The following MROH9 variants were observed in gnomAD, a reference collection of about 807,000 sequenced individuals.
The protein encoded by MROH9 is maestro heat like repeat family member 9.
A neutral mutation model predicts 98.2 loss-of-function variants in MROH9; 92 were observed. The observed-to-expected ratio is 0.94, with a 90% CI of 0.79 to 1.11. The LOEUF (loss-of-function observed/expected upper bound fraction) is 1.11, where lower values mean the gene tolerates loss of function less well. Ranked by LOEUF, MROH9 falls within the 50% of genes most tolerant of loss-of-function variation. The probability of loss-of-function intolerance (pLI) is 0.00; values close to 1 mark genes in which losing one functional copy is unlikely to be tolerated. For synonymous variants in MROH9, 397 were observed against 368.9 expected, an observed-to-expected ratio of 1.08 and a Z score of -0.87; for missense variants, 1,057 against 1,014.8, an observed-to-expected ratio of 1.04 and a Z score of -0.57.
intron 20 of MROH9, among the ~76,000 whole-genome samples, chr1:171,036,558 C>G (rs1653104111): frequency 6.6e-6 from 1 of 151,914 alleles, no homozygotes; most frequent in South Asian, 2.1e-4. Flanking sequence ...GTACCTTAGA[C>G]TCTCTCACAC....
intron 8 of MROH9, among the ~76,000 whole-genome samples, chr1:170,974,699 G>A (rs944779517): frequency 3.3e-5 from 5 of 151,954 alleles, no homozygotes; most frequent in African/African-American, 9.7e-5. Context: ...TATACCAGAC[G>A]AAAATCTAGA....
intron 20 of MROH9, among the ~76,000 whole-genome samples, chr1:171,057,379 C>T (rs1368306328): frequency 2.6e-5 from 4 of 152,050 alleles, no homozygotes; most frequent in African/African-American, 9.7e-5. Context: ...GTTTGAAGAC[C>T]ACTTTATTGA....
intron 15 of MROH9, among the ~76,000 whole-genome samples, chr1:171,005,225 T>G (rs1651917510): frequency 6.6e-6 from 1 of 151,988 alleles, no homozygotes; most frequent in African/African-American, 2.4e-5. Context: ...CCACCATGCT[T>G]GGGTAATTTT....
chr1:171,018,858 A>C lies in MROH9; in HGVS notation c.1908+2522A>C, dbSNP rs73038296. Among the ~76,000 whole-genome samples the C allele has an allele frequency of 9.5e-3, 1,440 of 152,294 alleles. 22 individuals carry two copies. Among genetic ancestry groups the C allele is most frequent in the African/African-American group, 0.033 (1,365 of 41,552 alleles). ...GGCATGCAGACAATATTAGAGAAAA[A>C]AAGAATAAAAAGGAATGAGCAAAAC... On this transcript the variant is annotated intron_variant, in intron 17 of 21. Coordinates refer to ENST00000367759, the MANE Select transcript of MROH9 (RefSeq NM_001163629.2).
At chr1:170,962,230 G>A (rs1197795344) in intron 6 of MROH9, among the ~76,000 whole-genome samples, 1 of 152,070 alleles carries the variant, frequency 6.6e-6, no homozygotes, top group Non-Finnish European at 1.5e-5. Flanking sequence ...GTGATATATG[G>A]GTGAACACAG....
At chr1:170,995,624 A>G (rs988490165) in intron 13 of MROH9, 93 bp downstream of exon 13, 5 of 1,382,974 alleles carry the variant, frequency 3.6e-6, no homozygotes, top group Non-Finnish European at 5.0e-6. Context: ...GATTCTTTAC[A>G]GTCCCATGTG....
At chr1:171,012,756 G>A (rs1652201689) in intron 15 of MROH9, among the ~76,000 whole-genome samples, 1 of 152,024 alleles carries the variant, frequency 6.6e-6, no homozygotes, top group Non-Finnish European at 1.5e-5. Context: ...GCCCGCCTTG[G>A]CCTCCCAAAG....
At chr1:170,971,654 T>C in intron 7 of MROH9, 94 bp from the exon 8 acceptor site, 3 of 1,390,442 alleles carry the variant, frequency 2.2e-6, no homozygotes, top group Non-Finnish European at 2.0e-6. Flanking sequence ...TATCTTAGAA[T>C]CCTAGTCTGA....
intron 20 of MROH9, among the ~76,000 whole-genome samples, chr1:171,034,025 T>C (rs754550107): frequency 7.2e-5 from 11 of 152,162 alleles, no homozygotes; most frequent in Non-Finnish European, 1.6e-4. Flanking sequence ...CAATTCTTTA[T>C]GCATTCAGAC....
chr1:171,036,330 T>C (rs1653097376), intron 20 of MROH9, among the ~76,000 whole-genome samples: 1 of 152,102 alleles, frequency 6.6e-6, no homozygotes, highest in Admixed American at 6.5e-5. Context: ...TTTATATGTG[T>C]ACTTTTTCAT....
intron 20 of MROH9, among the ~76,000 whole-genome samples, chr1:171,055,568 G>T (rs1300321588): frequency 1.4e-5 from 2 of 147,408 alleles, no homozygotes; most frequent in Admixed American, 6.9e-5. Flanking sequence ...GGTTGCAGGA[G>T]CCAAGATCGC....
chr1:171,006,979 C>T (rs1651974899), intron 15 of MROH9, among the ~76,000 whole-genome samples: 1 of 150,492 alleles, frequency 6.6e-6, no homozygotes. Context: ...TTTTTGTGGT[C>T]AACTACTGGA....
chr1:170,937,164 T>A (rs894079488), intron 1 of MROH9, among the ~76,000 whole-genome samples: 3 of 152,202 alleles, frequency 2.0e-5, no homozygotes, highest in Non-Finnish European at 4.4e-5. Flanking sequence ...TACAACTGAG[T>A]TTCTGCTTAC....
chr1:170,980,417 C>T (rs1465846964), intron 8 of MROH9, among the ~76,000 whole-genome samples: 1 of 152,006 alleles, frequency 6.6e-6, no homozygotes, highest in Non-Finnish European at 1.5e-5. Context: ...GTGCTGGTAC[C>T]AGACATATAG....
chr1:170,964,070 T>G (rs1250514733), intron 6 of MROH9, among the ~76,000 whole-genome samples: 1 of 152,154 alleles, frequency 6.6e-6, no homozygotes, highest in East Asian at 1.9e-4. Context: ...TTTATTGAGT[T>G]AAGCATTGAC....
intron 20 of MROH9, among the ~76,000 whole-genome samples, chr1:171,044,486 T>A (rs1187117419): frequency 1.3e-5 from 2 of 152,194 alleles, no homozygotes; most frequent in Admixed American, 6.5e-5. Context: ...CAGAATGATA[T>A]TGGAAGTATA....
chr1:170,968,301 A>C (rs1401521133), intron 7 of MROH9, among the ~76,000 whole-genome samples: 11 of 152,236 alleles, frequency 7.2e-5, no homozygotes, highest in Non-Finnish European at 1.6e-4. Flanking sequence ...CTCTTGACAC[A>C]CATTGGCAGA....
At chr1:170,973,823 T>C (rs935787946) in intron 8 of MROH9, among the ~76,000 whole-genome samples, 3 of 152,164 alleles carry the variant, frequency 2.0e-5, no homozygotes, top group Non-Finnish European at 4.4e-5. Context: ...TGCAGTGAGC[T>C]GGTATCGTGC....
intron 3 of MROH9, among the ~76,000 whole-genome samples, chr1:170,954,145 T>C (rs1649673427): frequency 6.6e-6 from 1 of 152,104 alleles, no homozygotes; most frequent in Admixed American, 6.6e-5. Flanking sequence ...AAAATGTCTC[T>C]AGGTATTTTT....
Sources: gnomAD v4.1 joint callset for allele counts (sites outside exome capture counted in the v4.1 genomes callset) on GRCh38, gnomAD v4.1.1 for gene constraint, MANE v1.5 for transcripts, NCBI Gene and HGNC (gene_info 2026-07-23, HGNC 2026-07-21) for gene names.